Variants in MPZL1 observed in about 807,000 individuals in gnomAD.
MPZL1 encodes the protein myelin protein zero-like protein 1.
A neutral mutation model predicts 29.3 loss-of-function variants in MPZL1; 16 were observed. The observed-to-expected ratio is 0.55, with a 90% CI of 0.37 to 0.83. MPZL1 has a LOEUF of 0.83. MPZL1 is among the 40% of genes least tolerant of loss of function. The pLI, the probability that MPZL1 is intolerant of heterozygous loss-of-function variation, is 0.00. For missense variants in MPZL1, 279 were observed against 332.9 expected (o/e 0.84, Z 1.26); for synonymous variants, 143 against 132.0 (o/e 1.08, Z -0.57).
At chr1:167,735,101 A>G (rs182022764) in intron 1 of MPZL1, among the ~76,000 whole-genome samples, 107 of 152,356 alleles carry the variant, frequency 7.0e-4, no homozygotes, top group African/African-American at 2.5e-3. Flanking sequence ...TCAGATATGT[A>G]GTGCTCAAGC....
At chr1:167,754,617 A>C (rs1660829991) in intron 1 of MPZL1, among the ~76,000 whole-genome samples, 1 of 152,244 alleles carries the variant, frequency 6.6e-6, no homozygotes, top group South Asian at 2.1e-4. Context: ...TGTATTTTAC[A>C]AGTGAACATA....
chr1:167,747,815 C>T (rs1660677133), intron 1 of MPZL1, among the ~76,000 whole-genome samples: 1 of 151,930 alleles, frequency 6.6e-6, no homozygotes, highest in South Asian at 2.1e-4. Flanking sequence ...AGTGGTTTTT[C>T]AGTGTATTCA....
intron 1 of MPZL1, among the ~76,000 whole-genome samples, chr1:167,742,561 G>A (rs919986647): frequency 1.3e-5 from 2 of 152,140 alleles, no homozygotes; most frequent in African/African-American, 2.4e-5. Flanking sequence ...GGAATGGATT[G>A]TGAAGATTTT....
At chr1:167,776,359 G>A (rs1038476947) in intron 5 of MPZL1, among the ~76,000 whole-genome samples, 193 bp downstream of exon 5, 2 of 152,186 alleles carry the variant, frequency 1.3e-5, no homozygotes, top group African/African-American at 2.4e-5. Context: ...ATGTGGTGAA[G>A]AATCTGCTTG....
chr1:167,762,438 G>A lies in MPZL1; in HGVS notation c.92-3145G>A, dbSNP rs555394351. 1.8e-4 allele frequency among the ~76,000 whole-genome samples: 27 copies of A among 152,312 alleles called. No individual in the cohort carries two copies. The East Asian group carries it at 4.4e-3, about 25-fold the overall frequency. Reference sequence around the variant, plus strand: ...AGAGACGCCAGCGCAGCCACGTGGCGGAAGAAGATTTATGGACAGAAAAAG... The same window carrying A: ...AGAGACGCCAGCGCAGCCACGTGGCAGAAGAAGATTTATGGACAGAAAAAG... On this transcript the variant is annotated intron_variant, in intron 1 of 5. Transcript: ENST00000359523.
chr1:167,774,178 T>C (rs551671264), intron 4 of MPZL1, among the ~76,000 whole-genome samples: 1 of 152,358 alleles, frequency 6.6e-6, no homozygotes, highest in East Asian at 1.9e-4. Flanking sequence ...AGGGTGTGTA[T>C]CTAATTAAAG....
rs1661705817 is a variant in MPZL1, at chr1:167,791,176, C to T, written c.*3255C>T. The T allele has an allele frequency of 6.6e-6, 1 of 152,256 alleles. No homozygotes were observed. Among genetic ancestry groups the T allele is most frequent in the African/African-American group, 2.4e-5 (1 of 41,456 alleles). 9.4% of individuals were successfully genotyped at this position (152,256 alleles called of 1,614,324 possible). On this transcript the variant is annotated 3_prime_UTR_variant, in exon 6 of 6. Transcript: ENST00000359523. ...TCCCAGTACACACTTGTCTGTTCTCCCGCATTAGAACATAGTTAACAAGAG... is the reference window on the plus strand; with the variant it reads ...TCCCAGTACACACTTGTCTGTTCTCTCGCATTAGAACATAGTTAACAAGAG...
At chr1:167,763,717 G>A (rs1424618148) in intron 1 of MPZL1, among the ~76,000 whole-genome samples, 1 of 152,104 alleles carries the variant, frequency 6.6e-6, no homozygotes, top group Non-Finnish European at 1.5e-5. Context: ...CAAGTGCCCT[G>A]GGGCTGCTTT....
Position 167,787,827 on chromosome 1 carries a change from T to G in MPZL1, c.716T>G (p.Val239Gly). 6.2e-7 allele frequency: 1 copy of G among 1,612,194 alleles called. No homozygotes were observed. Among genetic ancestry groups the G allele is most frequent in the Non-Finnish European group, 8.5e-7 (1 of 1,178,298 alleles). Residue 239 changes from valine to glycine, a missense_variant, in exon 6 of 6, where the codon GTC becomes GGC. Physicochemically the swap from Val to Gly is moderately radical, Grantham distance 109 (BLOSUM62 -3). Coordinates refer to ENST00000359523, the MANE Select transcript of MPZL1 (RefSeq NM_003953.6). ...TCTGCTTCCCTTTTCCAGGGCCCAG[T>G]CATATATGCACAGTTAGACCACTCC... ...SLPSGSHQGPVIYAQLDHSGG... is the reference protein window; with the variant it reads ...SLPSGSHQGPGIYAQLDHSGG...
intron 1 of MPZL1, among the ~76,000 whole-genome samples, chr1:167,751,192 GCAACTA>G (rs1379345457): frequency 6.6e-6 from 1 of 152,044 alleles, no homozygotes. Context: ...TTGAAACTAG[GCAACTA>G]TCATGTTTCT....
At chr1:167,726,951 C>T (rs1016574985) in intron 1 of MPZL1, among the ~76,000 whole-genome samples, 1 of 152,174 alleles carries the variant, frequency 6.6e-6, no homozygotes, top group African/African-American at 2.4e-5. Flanking sequence ...CAGGAAACAT[C>T]TACTCAAATA....
intron 2 of MPZL1, among the ~76,000 whole-genome samples, chr1:167,770,584 C>T (rs4472738): frequency 6.6e-6 from 1 of 151,948 alleles, no homozygotes; most frequent in African/African-American, 2.4e-5. Context: ...AGGAAGAGGG[C>T]GAAACTCAGA....
At chr1:167,771,683 G>T (rs923657220) in intron 2 of MPZL1, among the ~76,000 whole-genome samples, 1 of 151,852 alleles carries the variant, frequency 6.6e-6, no homozygotes, top group African/African-American at 2.4e-5. Flanking sequence ...CCCAGAGGAT[G>T]GGCGGCCAGG....
intron 1 of MPZL1, among the ~76,000 whole-genome samples, chr1:167,756,160 T>C (rs1293440066): frequency 1.4e-5 from 2 of 144,864 alleles, no homozygotes; most frequent in Admixed American, 1.4e-4. Context: ...AGTACATGGA[T>C]TTTTTTTTTT....
At chr1:167,770,120 G>A (rs1661206874) in intron 2 of MPZL1, among the ~76,000 whole-genome samples, 1 of 152,204 alleles carries the variant, frequency 6.6e-6, no homozygotes, top group Non-Finnish European at 1.5e-5. Flanking sequence ...GGACGCTATT[G>A]ATGGAGAGAG....
At chr1:167,762,451 T>G (rs2101779306) in intron 1 of MPZL1, among the ~76,000 whole-genome samples, 1 of 152,302 alleles carries the variant, frequency 6.6e-6, no homozygotes, top group Admixed American at 6.5e-5. Flanking sequence ...AGAAGATTTA[T>G]GGACAGAAAA....
At chr1:167,739,297 A>ATATG (rs1660462151) in intron 1 of MPZL1, among the ~76,000 whole-genome samples, 1 of 115,328 alleles carries the variant, frequency 8.7e-6, no homozygotes, top group African/African-American at 5.1e-5. Context: ...ATATATATAT[A>ATATG]TATATATATA....
At position 167,765,701 on chromosome 1, in the gene MPZL1, C is replaced by G. The variant is rs1165098174; in HGVS notation, c.210C>G (p.Thr70=). The change falls in exon 2 of 6, where the codon ACC becomes ACG. Residue 70 remains threonine, a synonymous_variant. Coordinates refer to ENST00000359523, the MANE Select transcript of MPZL1 (RefSeq NM_003953.6). ...FKSTSTTGGL[T]SVSWSFQPEG... ...CTACTAGTACGACTGGCGGGTTGAC[C>G]TCAGTCTCCTGGAGCTTCCAGCCAG... The G allele has an allele frequency of 6.2e-7, 1 of 1,612,920 alleles. No individual in the cohort carries two copies. Among genetic ancestry groups the G allele is most frequent in the African/African-American group, 1.3e-5 (1 of 74,982 alleles).
At chr1:167,756,051 C>CAAAAA (rs888650290) in intron 1 of MPZL1, among the ~76,000 whole-genome samples, 1 of 151,918 alleles carries the variant, frequency 6.6e-6, no homozygotes, top group African/African-American at 2.4e-5. Context: ...TTTGTTGGTA[C>CAAAAA]AAAAAAGGTT....
Sources: allele counts gnomAD v4.1 joint callset (sites outside exome capture counted in the v4.1 genomes callset), GRCh38; gene constraint gnomAD v4.1.1; transcripts MANE v1.5; gene names NCBI Gene and HGNC (gene_info 2026-07-23, HGNC 2026-07-21).